DIAPH1: variants seen among roughly 807,000 people sequenced by gnomAD.
DIAPH1 encodes the protein diaphanous related formin 1, also known as protein diaphanous homolog 1.
A neutral mutation model predicts 140.7 loss-of-function variants in DIAPH1; 46 were observed. The observed-to-expected ratio is 0.33, with a 90% CI of 0.26 to 0.42. DIAPH1 has a LOEUF of 0.42. Ranked by LOEUF, DIAPH1 falls within the 10% of genes least tolerant of loss-of-function variation. The probability of loss-of-function intolerance (pLI) is 1.00; values close to 1 mark genes in which losing one functional copy is unlikely to be tolerated. For synonymous variants in DIAPH1, 565 were observed against 551.6 expected, an observed-to-expected ratio of 1.02 and a Z score of -0.34; for missense variants, 1,310 against 1,558.7, an observed-to-expected ratio of 0.84 and a Z score of 2.69.
intron 18 of DIAPH1, among the ~76,000 whole-genome samples, chr5:141,538,375 C>T (rs1375460104): frequency 6.7e-6 from 1 of 149,388 alleles, no homozygotes; most frequent in African/African-American, 2.5e-5. Flanking sequence ...TTTTTTGAGA[C>T]GGAGTCTCGC....
intron 14 of DIAPH1, among the ~76,000 whole-genome samples, chr5:141,575,838 C>T (rs367839492): frequency 9.9e-5 from 15 of 152,226 alleles, no homozygotes; most frequent in African/African-American, 3.6e-4. Context: ...CCACAATAAA[C>T]GTTCTTAAAA....
rs145217158 is a variant in DIAPH1, at chr5:141,541,684, C to CA, written c.2483-7252dup. Among the ~76,000 whole-genome samples, 399 of 103,986 alleles carry CA rather than the reference C, an allele frequency of 3.8e-3. 3 individuals carry two copies. In the East Asian group the frequency reaches 0.038, roughly 10 times the overall value. 68.2% of individuals were successfully genotyped at this position (103,986 alleles called of 152,430 possible). On this transcript the variant is annotated intron_variant, in intron 18 of 27. Transcript: ENST00000389054. Reference sequence around the variant, plus strand: ...TGGGCAACAGAGCAAGATTCTGTCTCAAAAAAAAAAAAAAAAGAAAGAAAA... The same window carrying CA: ...TGGGCAACAGAGCAAGATTCTGTCTCAAAAAAAAAAAAAAAAAGAAAGAAAA...
At chr5:141,591,258 C>T (rs1268214435) in intron 1 of DIAPH1, among the ~76,000 whole-genome samples, 1 of 152,052 alleles carries the variant, frequency 6.6e-6, no homozygotes, top group Non-Finnish European at 1.5e-5. Flanking sequence ...TGGATATGTA[C>T]CTTTCCTTGT....
chr5:141,575,374 C>T (rs2099895803), intron 14 of DIAPH1, among the ~76,000 whole-genome samples: 1 of 152,142 alleles, frequency 6.6e-6, no homozygotes, highest in Non-Finnish European at 1.5e-5. Context: ...TTTGGCTGGG[C>T]GGAGTGGCTC....
intron 1 of DIAPH1, among the ~76,000 whole-genome samples, chr5:141,594,263 A>G (rs2099898951): frequency 6.6e-6 from 1 of 152,228 alleles, no homozygotes; most frequent in African/African-American, 2.4e-5. Context: ...TGTCCACACC[A>G]AAAACCTGCA....
intron 9 of DIAPH1, 34 bp from the exon 10 acceptor site, chr5:141,578,659 C>G (rs756334582): frequency 5.3e-6 from 8 of 1,498,932 alleles, no homozygotes; most frequent in Non-Finnish European, 7.4e-6. Flanking sequence ...TATGTCAATG[C>G]TAACTCCTGG....
intron 1 of DIAPH1, among the ~76,000 whole-genome samples, chr5:141,615,391 C>T (rs1596416863): frequency 6.9e-6 from 1 of 144,048 alleles, no homozygotes; most frequent in South Asian, 2.2e-4. Context: ...CGAGATCGCG[C>T]CACTGCACTG....
chr5:141,524,373 A>G (rs2099886983), intron 26 of DIAPH1, 144 bp from the exon 27 acceptor site: 2 of 767,604 alleles, frequency 2.6e-6, no homozygotes, highest in African/African-American at 3.4e-5. Context: ...AAGAGAGCTC[A>G]GCCTTAAGTC....
At chr5:141,609,882 T>C (rs968718272) in intron 1 of DIAPH1, among the ~76,000 whole-genome samples, 14 of 152,086 alleles carry the variant, frequency 9.2e-5, no homozygotes, top group African/African-American at 2.9e-4. Flanking sequence ...ATCCTCAGAG[T>C]ATCAGAAATG....
intron 16 of DIAPH1, among the ~76,000 whole-genome samples, chr5:141,573,055 T>A (rs1359955720): frequency 2.0e-5 from 3 of 152,076 alleles, no homozygotes; most frequent in Admixed American, 6.5e-5. Context: ...TAAGCATGAG[T>A]GAAGCTTAAA....
intron 1 of DIAPH1, among the ~76,000 whole-genome samples, chr5:141,608,951 A>G (rs1345541537): frequency 6.6e-6 from 1 of 152,180 alleles, no homozygotes; most frequent in Non-Finnish European, 1.5e-5. Flanking sequence ...TCAGCAATTT[A>G]AACAACTAAA....
Position 141,534,441 on chromosome 5 carries a change from G to A in DIAPH1, c.2483-8C>T. ...CTTCTTGATCCTTCTTGGCTAGCAG[G>A]GAAAAGATTAGAAAAGCATGATTAA... is the stretch of plus-strand genomic sequence containing the variant. On this transcript the variant is annotated splice_polypyrimidine_tract_variant and splice_region_variant and intron_variant, in intron 18 of 27. Transcript: ENST00000389054. The A allele has an allele frequency of 1.2e-6, 2 of 1,611,498 alleles. No homozygotes were observed. Among genetic ancestry groups the A allele is most frequent in the Non-Finnish European group, 1.7e-6 (2 of 1,178,470 alleles).
At chr5:141,574,738 CTTACT>C (rs577853698) in intron 15 of DIAPH1, among the ~76,000 whole-genome samples, 1 of 152,004 alleles carries the variant, frequency 6.6e-6, no homozygotes, top group Non-Finnish European at 1.5e-5. Context: ...GGTAATGAAA[CTTACT>C]TTATTCTTAA....
At chr5:141,526,203 A>G in intron 25 of DIAPH1, 30 bp from the exon 26 acceptor site, 1 of 1,614,142 alleles carries the variant, frequency 6.2e-7, no homozygotes, top group Non-Finnish European at 8.5e-7. Flanking sequence ...GAAGGAACAC[A>G]TGGGCATTGT....
intron 1 of DIAPH1, among the ~76,000 whole-genome samples, chr5:141,616,760 TTTAG>T (rs2099902755): frequency 6.6e-6 from 1 of 152,216 alleles, no homozygotes; most frequent in African/African-American, 2.4e-5. Flanking sequence ...ACCTGAGCTA[TTTAG>T]TTTTAAAAAT....
intron 14 of DIAPH1, among the ~76,000 whole-genome samples, chr5:141,575,440 G>T (rs1010823345): frequency 1.3e-5 from 2 of 152,186 alleles, no homozygotes; most frequent in African/African-American, 4.8e-5. Context: ...CCTGAGGTCA[G>T]AAGTTCGAGA....
In DIAPH1 at chr5:141,613,989, G is replaced by A. The variant is rs1025062886; in HGVS notation, c.117+4809C>T. 2.6e-5 allele frequency among the ~76,000 whole-genome samples: 4 copies of A among 152,200 alleles called. No homozygotes were observed. In the South Asian group the frequency reaches 8.3e-4, roughly 32 times the overall value. On this transcript the variant is annotated intron_variant, in intron 1 of 27. Coordinates refer to ENST00000389054, the MANE Select transcript of DIAPH1 (RefSeq NM_005219.5). ...AGGAGGTGACAGGCAGCCAGGCAAG[G>A]GGAGAGTGTGGCTTTGTCTCACCTA...
chr5:141,551,236 G>A (rs924794095), intron 18 of DIAPH1, among the ~76,000 whole-genome samples: 1 of 152,202 alleles, frequency 6.6e-6, no homozygotes, highest in Non-Finnish European at 1.5e-5. Flanking sequence ...GATCACTGGA[G>A]CCCAAGAGTT....
rs768075544 is a variant in DIAPH1 at position 141,611,290 on chromosome 5, A to G, written c.117+7508T>C. Among the ~76,000 whole-genome samples, 25 of 152,286 alleles carry G rather than the reference A, an allele frequency of 1.6e-4. 1 individual carries two copies. Among genetic ancestry groups the G allele is most frequent in the Non-Finnish European group, 2.6e-4 (18 of 68,026 alleles). On this transcript the variant is annotated intron_variant, in intron 1 of 27. Transcript: ENST00000389054. ...CAAAACAGAGGAGAAAACCTTAGCG[A>G]CCATAATTTTAGCAAAGATTTTTGA...
Sources: gnomAD v4.1 joint callset for allele counts (sites outside exome capture counted in the v4.1 genomes callset) on GRCh38, gnomAD v4.1.1 for gene constraint, MANE v1.5 for transcripts, NCBI Gene and HGNC (gene_info 2026-07-23, HGNC 2026-07-21) for gene names.